Variants in OR4K2 observed in about 807,000 individuals in gnomAD.
OR4K2 encodes the protein olfactory receptor family 4 subfamily K member 2.
Under a neutral mutation model 10.5 loss-of-function variants are expected in OR4K2, and 8 were observed. That is an observed-to-expected ratio of 0.76 (90% CI 0.45 to 1.37). OR4K2 has a LOEUF of 1.37. Ranked by LOEUF, OR4K2 falls within the 40% of genes most tolerant of loss-of-function variation. The pLI is 0.00. For synonymous variants in OR4K2, 178 were observed against 133.6 expected, an observed-to-expected ratio of 1.33 and a Z score of -2.29; for missense variants, 547 against 379.5, an observed-to-expected ratio of 1.44 and a Z score of -3.67.
rs996522329 is a variant in OR4K2 at position 19,881,759 on chromosome 14, A to C, written c.*4547A>C. The C allele has an allele frequency of 6.6e-6, 1 of 152,030 alleles. No homozygotes were observed. Among genetic ancestry groups the C allele is most frequent in the African/African-American group, 2.4e-5 (1 of 41,408 alleles). 9.4% of individuals were successfully genotyped at this position (152,030 alleles called of 1,614,324 possible). On this transcript the variant is annotated 3_prime_UTR_variant, in exon 2 of 2. Transcript: ENST00000641885. The stretch of plus-strand genomic sequence containing the variant: ...ACTAGGAATCTGAAGCCATCAACAA[A>C]AGCCAGATTTTTCTCCCTTTGCTCA...
At position 19,876,434 on chromosome 14, in the gene OR4K2, A is replaced by C. The variant is rs778787166; in HGVS notation, c.167A>C (p.His56Pro). 7 of 1,613,608 alleles carry C rather than the reference A, an allele frequency of 4.3e-6. No homozygotes were observed. The highest frequency in any genetic ancestry group is 5.9e-6 in the Non-Finnish European group (7 of 1,179,902). Residue 56 changes from histidine (H) to proline (P), a missense_variant, in exon 2 of 2, where the codon CAC becomes CCC. Transcript: ENST00000641885. Reference protein sequence around the residue: ...VITVIVDPHLHSPMYFLLTNL... With the variant: ...VITVIVDPHLPSPMYFLLTNL... The stretch of plus-strand genomic sequence containing the variant: ...ACAGTTATAGTGGACCCTCACCTAC[A>C]CTCTCCTATGTATTTCCTGCTTACC...
In OR4K2 at chr14:19,880,661, T is replaced by C. The variant is rs938927987; in HGVS notation, c.*3449T>C. The C allele has an allele frequency of 2.0e-5, 3 of 152,260 alleles. No individual in the cohort carries two copies. Among genetic ancestry groups the C allele is most frequent in the South Asian group, 4.1e-4 (2 of 4,838 alleles). 9.4% of individuals were successfully genotyped at this position (152,260 alleles called of 1,614,324 possible). On this transcript the variant is annotated 3_prime_UTR_variant, in exon 2 of 2. Coordinates refer to ENST00000641885, the MANE Select transcript of OR4K2 (RefSeq NM_001005501.2). ...AATTAAAGCTTCTGGAAACTTGTTT[T>C]TCTGTCTGTTCACAACTGTCATTAA...
Position 19,877,091 on chromosome 14 carries a change from A to T in OR4K2, c.824A>T (p.Tyr275Phe), listed in dbSNP as rs938608102. ...FLTDKILSVFYTIFTPTLNPI... is the reference protein window; with the variant it reads ...FLTDKILSVFFTIFTPTLNPI... ...ACAGACAAGATTCTGTCTGTGTTTT[A>T]TACCATCTTTACTCCCACTCTGAAC... The change falls in exon 2 of 2, where the codon TAT (tyrosine) becomes TTT (phenylalanine). Residue 275 changes from tyrosine to phenylalanine, a missense_variant. Physicochemically the swap from Tyr to Phe is conservative, Grantham distance 22. Coordinates refer to ENST00000641885, the MANE Select transcript of OR4K2 (RefSeq NM_001005501.2). The T allele has an allele frequency of 6.2e-7, 1 of 1,610,072 alleles. No individual in the cohort carries two copies. Among genetic ancestry groups the T allele is most frequent in the Non-Finnish European group, 8.5e-7 (1 of 1,179,876 alleles).
rs1186633926 is a variant in OR4K2 at position 19,882,535 on chromosome 14, A to G, written c.*5323A>G. Reference sequence around the variant, plus strand: ...CTTAATGAAATATTACAAGGCAAACACCATTATAATCACATTTCAAGTCAC... The same window carrying G: ...CTTAATGAAATATTACAAGGCAAACGCCATTATAATCACATTTCAAGTCAC... On this transcript the variant is annotated 3_prime_UTR_variant, in exon 2 of 2. Transcript: ENST00000641885. 1 of 152,272 alleles carries G rather than the reference A, an allele frequency of 6.6e-6. No homozygotes were observed. Among genetic ancestry groups the G allele is most frequent in the Non-Finnish European group, 1.5e-5 (1 of 68,048 alleles). The allele number at this position is 152,272 out of a possible 1,614,324, so 9.4% of individuals were successfully genotyped here.
At position 19,881,821 on chromosome 14, in the gene OR4K2, T is replaced by G. The variant is rs1049860092; in HGVS notation, c.*4609T>G. 2 of 151,880 alleles carry G rather than the reference T, an allele frequency of 1.3e-5. No homozygotes were observed. Among genetic ancestry groups the G allele is most frequent in the African/African-American group, 4.8e-5 (2 of 41,414 alleles). The allele number at this position is 151,880 out of a possible 1,614,324, so 9.4% of individuals were successfully genotyped here. ...TTAAAGAAAATTTAAAGGAGAGATTTTTTTTTTTAGTTTGAGACTAGAAAT... is the reference window on the plus strand; with the variant it reads ...TTAAAGAAAATTTAAAGGAGAGATTGTTTTTTTTAGTTTGAGACTAGAAAT... On this transcript the variant is annotated 3_prime_UTR_variant, in exon 2 of 2. Transcript: ENST00000641885.
intron 1 of OR4K2, 29 bp downstream of exon 1, chr14:19,876,163 G>T: frequency 1.0e-6 from 1 of 964,048 alleles, no homozygotes; most frequent in Non-Finnish European, 1.5e-6. Context: ...TAAAATTTCT[G>T]AAAGTAGATA....
Position 19,877,038 on chromosome 14 carries a change from C to T in OR4K2, c.771C>T (p.Ile257=), listed in dbSNP as rs770223942. ...VFLFFGPCIF[I]YMWPLSSFLT... Reference sequence around the variant, plus strand: ...TGTTCTTTGGGCCATGCATCTTCATCTACATGTGGCCACTAAGCAGCTTTC... The same window carrying T: ...TGTTCTTTGGGCCATGCATCTTCATTTACATGTGGCCACTAAGCAGCTTTC... The change falls in exon 2 of 2, where the codon ATC becomes ATT. Residue 257 remains isoleucine, a synonymous_variant. Transcript: ENST00000641885. The T allele has an allele frequency of 1.9e-6, 3 of 1,613,406 alleles. No individual in the cohort carries two copies.
chr14:19,880,167 CA>C lies in OR4K2; in HGVS notation c.*2956del, dbSNP rs1290335051. On this transcript the variant is annotated 3_prime_UTR_variant, in exon 2 of 2. Coordinates refer to ENST00000641885, the MANE Select transcript of OR4K2 (RefSeq NM_001005501.2). ...GGCCCAGAGAAGCCAAAACTTTGGACACCCCTGCATTAAAAGGCTCTGCAGA... is the reference window on the plus strand; with the variant it reads ...GGCCCAGAGAAGCCAAAACTTTGGACCCCCTGCATTAAAAGGCTCTGCAGA... The C allele has an allele frequency of 2.0e-5, 3 of 153,110 alleles. No homozygotes were observed. Among genetic ancestry groups the C allele is most frequent in the African/African-American group, 7.2e-5 (3 of 41,580 alleles). The allele number at this position is 153,110 out of a possible 1,614,324, so 9.5% of individuals were successfully genotyped here.
At position 19,878,525 on chromosome 14, in the gene OR4K2, A is replaced by G. The variant is rs1468320373; in HGVS notation, c.*1313A>G. The G allele has an allele frequency of 2.0e-5, 3 of 152,240 alleles. No individual in the cohort carries two copies. Among genetic ancestry groups the G allele is most frequent in the Non-Finnish European group, 4.4e-5 (3 of 68,014 alleles). 9.4% of individuals were successfully genotyped at this position (152,240 alleles called of 1,614,324 possible). A position where few individuals can be genotyped will look rare whatever the true frequency, so the allele number is the denominator to read the frequency against. On this transcript the variant is annotated 3_prime_UTR_variant, in exon 2 of 2. Transcript: ENST00000641885. Reference sequence around the variant, plus strand: ...AATTATCATTTATGAAAGATAATTAAAACAGAAAATCCTTAGATGTTCATA... The same window carrying G: ...AATTATCATTTATGAAAGATAATTAGAACAGAAAATCCTTAGATGTTCATA...
At position 19,879,292 on chromosome 14, in the gene OR4K2, G is replaced by A. The variant is rs1160328778; in HGVS notation, c.*2080G>A. The A allele has an allele frequency of 2.0e-5, 3 of 152,306 alleles. No individual in the cohort carries two copies. The highest frequency in any genetic ancestry group is 1.9e-4 in the East Asian group (1 of 5,190). The allele number at this position is 152,306 out of a possible 1,614,324, so 9.4% of individuals were successfully genotyped here. ...GTTATATAAACACTTAAAAATCTTA[G>A]TTAGGACTTTAGGACTCATGGTGGT... On this transcript the variant is annotated 3_prime_UTR_variant, in exon 2 of 2. Coordinates refer to ENST00000641885, the MANE Select transcript of OR4K2 (RefSeq NM_001005501.2).
chr14:19,876,750 A>G lies in OR4K2; in HGVS notation c.483A>G (p.Ile161Met). 6.2e-7 allele frequency: 1 copy of G among 1,614,120 alleles called. No homozygotes were observed. Among genetic ancestry groups the G allele is most frequent in the Non-Finnish European group, 8.5e-7 (1 of 1,179,992 alleles). The change falls in exon 2 of 2, where the codon ATA (isoleucine) becomes ATG (methionine). Residue 161 changes from isoleucine (I) to methionine (M), a missense_variant. By Grantham distance (10) the Ile-to-Met change is conservative. Transcript: ENST00000641885. ...TTATGCATTCAATGAGTCAGGTCAT[A>G]TTTGCCCTCACGTTACCATTCTGTG... The part of the protein sequence containing the change: ...MGVMHSMSQV[I>M]FALTLPFCGP...
In OR4K2 at chr14:19,883,876, C is replaced by G. The variant is rs910419258; in HGVS notation, c.*6664C>G. 1 of 152,172 alleles carries G rather than the reference C, an allele frequency of 6.6e-6. No homozygotes were observed. Among genetic ancestry groups the G allele is most frequent in the South Asian group, 2.1e-4 (1 of 4,834 alleles). 9.4% of individuals were successfully genotyped at this position (152,172 alleles called of 1,614,324 possible). ...TGAATCCCTGTTTGTACCTGGAGAC[C>G]GTTTTGATCTGCCCTCCTCACCTCA... On this transcript the variant is annotated 3_prime_UTR_variant, in exon 2 of 2. Transcript: ENST00000641885.
chr14:19,879,843 T>C lies in OR4K2; in HGVS notation c.*2631T>C, dbSNP rs950520021. ...AGCTTAGGTTTTATAACTCCTCCTTTGCATGGATTTCCTCGAAGGCCCTAG... is the reference window on the plus strand; with the variant it reads ...AGCTTAGGTTTTATAACTCCTCCTTCGCATGGATTTCCTCGAAGGCCCTAG... On this transcript the variant is annotated 3_prime_UTR_variant, in exon 2 of 2. Transcript: ENST00000641885. 4 of 152,276 alleles carry C rather than the reference T, an allele frequency of 2.6e-5. No individual in the cohort carries two copies. Among genetic ancestry groups the C allele is most frequent in the Non-Finnish European group, 5.9e-5 (4 of 68,058 alleles). 9.4% of individuals were successfully genotyped at this position (152,276 alleles called of 1,614,324 possible).
In OR4K2 at chr14:19,877,116, C is replaced by T. The variant is rs74597543; in HGVS notation, c.849C>T (p.Asn283=). Reference sequence around the variant, plus strand: ...ATACCATCTTTACTCCCACTCTGAACCCAATAATCTATACTTTGAGGAATC... The same window carrying T: ...ATACCATCTTTACTCCCACTCTGAATCCAATAATCTATACTTTGAGGAATC... ...VFYTIFTPTL[N]PIIYTLRNQE... is the part of the protein sequence containing the mutation. Residue 283 remains asparagine (N), a synonymous_variant, in exon 2 of 2, where the codon AAC becomes AAT. Coordinates refer to ENST00000641885, the MANE Select transcript of OR4K2 (RefSeq NM_001005501.2). 11,034 of 1,601,848 alleles carry T rather than the reference C, an allele frequency of 6.9e-3. 19 individuals carry two copies. The highest frequency in any genetic ancestry group is 8.4e-3 in the Non-Finnish European group (9,871 of 1,174,968).
At position 19,882,712 on chromosome 14, in the gene OR4K2, C is replaced by T. The variant is rs1454066841; in HGVS notation, c.*5500C>T. 1 of 152,352 alleles carries T rather than the reference C, an allele frequency of 6.6e-6. No homozygotes were observed. Among genetic ancestry groups the T allele is most frequent in the East Asian group, 1.9e-4 (1 of 5,208 alleles). The allele number at this position is 152,352 out of a possible 1,614,324, so 9.4% of individuals were successfully genotyped here. ...ATACATATATACTCAAATATACATCCATACACACTCAAACTTGGCCTCACC... is the reference window on the plus strand; with the variant it reads ...ATACATATATACTCAAATATACATCTATACACACTCAAACTTGGCCTCACC... On this transcript the variant is annotated 3_prime_UTR_variant, in exon 2 of 2. Coordinates refer to ENST00000641885, the MANE Select transcript of OR4K2 (RefSeq NM_001005501.2).
At chr14:19,876,214 C>CTTTTTTTTT (rs35601631) in intron 1 of OR4K2, 31 bp from the exon 2 acceptor site, 3 of 575,010 alleles carry the variant, frequency 5.2e-6, no homozygotes, top group African/African-American at 2.3e-5. Context: ...TCTGACTTTC[C>CTTTTTTTTT]TTTTTTTTTT....
In OR4K2 at chr14:19,875,762, T is replaced by C. The variant is rs1880878203; in HGVS notation, c.-396T>C. 1.3e-5 allele frequency: 2 copies of C among 153,238 alleles called. No homozygotes were observed. Among genetic ancestry groups the C allele is most frequent in the Admixed American group, 6.5e-5 (1 of 15,348 alleles). The allele number at this position is 153,238 out of a possible 1,614,324, so 9.5% of individuals were successfully genotyped here. On this transcript the variant is annotated 5_prime_UTR_variant, in exon 1 of 2. Transcript: ENST00000641885. Reference sequence around the variant, plus strand: ...TTTACAAGAGCTCTACAACTGTCCATCGAAACTTCACTATAATGTGCTTAA... The same window carrying C: ...TTTACAAGAGCTCTACAACTGTCCACCGAAACTTCACTATAATGTGCTTAA...
rs1880897452 is a variant in OR4K2, at chr14:19,876,381, A to T, written c.114A>T (p.Thr38=). The T allele has an allele frequency of 6.2e-7, 1 of 1,613,984 alleles. No individual in the cohort carries two copies. Among genetic ancestry groups the T allele is most frequent in the African/African-American group, 1.3e-5 (1 of 74,920 alleles). The part of the protein sequence containing the change: ...FMVFSLLYVA[T]MVGNSLIVIT... ...TGTTTTCATTGCTTTATGTGGCAAC[A>T]ATGGTGGGTAACAGCCTCATAGTCA... The change falls in exon 2 of 2, where the codon ACA becomes ACT. Residue 38 remains threonine, a synonymous_variant. Coordinates refer to ENST00000641885, the MANE Select transcript of OR4K2 (RefSeq NM_001005501.2).
At position 19,875,878 on chromosome 14, in the gene OR4K2, T is replaced by C. The variant is rs1880881101; in HGVS notation, c.-280T>C. On this transcript the variant is annotated 5_prime_UTR_variant, in exon 1 of 2. It removes an upstream start codon present in the reference 5' UTR. Coordinates refer to ENST00000641885, the MANE Select transcript of OR4K2 (RefSeq NM_001005501.2). Reference sequence around the variant, plus strand: ...CCAAATGACTAAACATGTATGTGTATGTGTGTTTCACACATTGTCAGCATA... The same window carrying C: ...CCAAATGACTAAACATGTATGTGTACGTGTGTTTCACACATTGTCAGCATA... 5.1e-6 allele frequency: 1 copy of C among 196,280 alleles called. No homozygotes were observed. Among genetic ancestry groups the C allele is most frequent in the African/African-American group, 2.4e-5 (1 of 42,232 alleles). 12.2% of individuals were successfully genotyped at this position (196,280 alleles called of 1,614,324 possible).
Sources: gnomAD v4.1 joint callset for allele counts on GRCh38, gnomAD v4.1.1 for gene constraint, MANE v1.5 for transcripts, NCBI Gene and HGNC (gene_info 2026-07-23, HGNC 2026-07-21) for gene names.